Variants in PTH2R observed in about 807,000 individuals in gnomAD.
The protein encoded by PTH2R is parathyroid hormone 2 receptor.
Under a neutral mutation model 60.3 loss-of-function variants are expected in PTH2R, and 59 were observed. The ratio of observed to expected loss-of-function variants is 0.98; its 90% confidence interval spans 0.79 to 1.22. The LOEUF (loss-of-function observed/expected upper bound fraction) is 1.22. Ranked by LOEUF, PTH2R falls within the 50% of genes most tolerant of loss-of-function variation. The pLI, the probability that PTH2R is intolerant of heterozygous loss-of-function variation, is 0.00. For synonymous variants in PTH2R, 256 were observed against 243.8 expected, an observed-to-expected ratio of 1.05 and a Z score of -0.47; for missense variants, 749 against 682.6, an observed-to-expected ratio of 1.10 and a Z score of -1.08.
At chr2:208,464,348 G>A (rs535093873) in intron 9 of PTH2R, among the ~76,000 whole-genome samples, 156 of 152,220 alleles carry the variant, frequency 1.0e-3, no homozygotes, top group Non-Finnish European at 7.1e-4. Context: ...GATCTTCCCC[G>A]TGACTTGCTG....
chr2:208,437,903 T>A, intron 4 of PTH2R, 22 bp downstream of exon 4: 1 of 1,603,092 alleles, frequency 6.2e-7, no homozygotes. Context: ...TCTCTATTTG[T>A]GAATTCCTAA....
Position 208,493,289 on chromosome 2 carries a change from G to C in PTH2R, c.1283G>C (p.Trp428Ser), listed in dbSNP as rs1703448865. 6.6e-7 allele frequency: 1 copy of C among 1,517,070 alleles called. No individual in the cohort carries two copies. The highest frequency in any genetic ancestry group is 1.4e-5 in the African/African-American group (1 of 72,040). 94.0% of individuals were successfully genotyped at this position (1,517,070 alleles called of 1,614,324 possible). A position where few individuals can be genotyped will look rare whatever the true frequency, so the allele number is the denominator to read the frequency against. Residue 428 changes from tryptophan to serine, a missense_variant, in exon 13 of 13, where the codon TGG becomes TCG. Trp to Ser is a radical substitution (Grantham distance 177, BLOSUM62 -3). Transcript: ENST00000272847. ...GEVQAEVKKM[W>S]SRWNLSVDWK... ...GTTCAGGCAGAGGTGAAGAAGATGT[G>C]GAGTCGGTGGAACCTCTCCGTGGAC... is the stretch of plus-strand genomic sequence containing the variant.
intron 1 of PTH2R, among the ~76,000 whole-genome samples, chr2:208,388,798 T>G (rs1368565511): frequency 6.6e-6 from 1 of 152,198 alleles, no homozygotes; most frequent in Non-Finnish European, 1.5e-5. Flanking sequence ...GCCCATATCC[T>G]TGAACTTCTG....
At chr2:208,447,624 A>G (rs1559223152) in intron 7 of PTH2R, among the ~76,000 whole-genome samples, 2 of 149,794 alleles carry the variant, frequency 1.3e-5, no homozygotes. Context: ...TAAATAAATA[A>G]ATAAATAAAT....
intron 9 of PTH2R, among the ~76,000 whole-genome samples, chr2:208,463,672 C>A (rs1456570308): frequency 1.3e-5 from 2 of 152,158 alleles, no homozygotes; most frequent in Non-Finnish European, 2.9e-5. Context: ...ATAACTTGCC[C>A]ACACTCCAGG....
chr2:208,441,317 C>T (rs929418112), intron 4 of PTH2R, among the ~76,000 whole-genome samples: 1 of 152,090 alleles, frequency 6.6e-6, no homozygotes, highest in Non-Finnish European at 1.5e-5. Flanking sequence ...GCTTCTGTTC[C>T]GGTGGAGTTG....
At chr2:208,442,135 G>A (rs1052789428) in intron 4 of PTH2R, among the ~76,000 whole-genome samples, 4 of 152,128 alleles carry the variant, frequency 2.6e-5, no homozygotes, top group African/African-American at 9.7e-5. Flanking sequence ...TGATTTCCTG[G>A]GGGTGGATAG....
intron 7 of PTH2R, among the ~76,000 whole-genome samples, chr2:208,447,219 G>A (rs1290814679): frequency 6.6e-6 from 1 of 152,058 alleles, no homozygotes; most frequent in East Asian, 1.9e-4. Flanking sequence ...CAATCCTCCT[G>A]CCTCGGCCTC....
chr2:208,450,725 C>T, intron 7 of PTH2R, 24 bp from the exon 8 acceptor site: 1 of 1,611,258 alleles, frequency 6.2e-7, no homozygotes. Flanking sequence ...TAAATCTAGT[C>T]TCTGAATCAT....
At chr2:208,388,135 C>CCA (rs1553540993) in intron 1 of PTH2R, among the ~76,000 whole-genome samples, 1 of 148,368 alleles carries the variant, frequency 6.7e-6, no homozygotes, top group Non-Finnish European at 1.5e-5. Flanking sequence ...TGGTGAAACC[C>CCA]CCCCCCCCGT....
chr2:208,432,719 C>A (rs986281751), intron 2 of PTH2R, among the ~76,000 whole-genome samples: 12 of 152,176 alleles, frequency 7.9e-5, no homozygotes, highest in Non-Finnish European at 1.5e-4. Flanking sequence ...GAGCCCCCAG[C>A]AAACCACTGG....
intron 5 of PTH2R, among the ~76,000 whole-genome samples, chr2:208,443,019 C>T (rs375960576): frequency 6.6e-6 from 1 of 152,124 alleles, no homozygotes; most frequent in Non-Finnish European, 1.5e-5. Flanking sequence ...TGTGTTCATA[C>T]TGAACATTTA....
intron 8 of PTH2R, among the ~76,000 whole-genome samples, chr2:208,451,010 C>T (rs1010734898): frequency 1.3e-5 from 2 of 151,978 alleles, no homozygotes; most frequent in Non-Finnish European, 2.9e-5. Flanking sequence ...CAGAAACACT[C>T]GCAGACTAGA....
At chr2:208,362,334 C>A (rs1337316166) in intron 1 of PTH2R, among the ~76,000 whole-genome samples, 1 of 152,018 alleles carries the variant, frequency 6.6e-6, no homozygotes, top group African/African-American at 2.4e-5. Context: ...CATAATAAAT[C>A]TCCTCTTATG....
At chr2:208,488,987 G>T (rs1366349742) in intron 10 of PTH2R, 25 bp from the exon 11 acceptor site, 2 of 1,612,296 alleles carry the variant, frequency 1.2e-6, no homozygotes, top group Admixed American at 3.3e-5. Flanking sequence ...GTTAATGAAT[G>T]AAAAGACTTG....
chr2:208,441,517 T>C (rs1200724195), intron 4 of PTH2R, among the ~76,000 whole-genome samples: 1 of 152,234 alleles, frequency 6.6e-6, no homozygotes, highest in Non-Finnish European at 1.5e-5. Flanking sequence ...TAGTATTAGA[T>C]TACATCCTTT....
chr2:208,381,170 T>C (rs1355925517), intron 1 of PTH2R, among the ~76,000 whole-genome samples: 1 of 152,042 alleles, frequency 6.6e-6, no homozygotes, highest in Non-Finnish European at 1.5e-5. Context: ...CCCAGTCTCT[T>C]CATCTCTAAA....
At chr2:208,469,915 C>G (rs1162140780) in intron 9 of PTH2R, 1 of 152,228 alleles carries the variant, frequency 6.6e-6, no homozygotes, top group Non-Finnish European at 1.5e-5. Context: ...GCAGGAGATG[C>G]TGCAGGCAGG....
intron 1 of PTH2R, among the ~76,000 whole-genome samples, chr2:208,407,344 G>A (rs955551368): frequency 6.6e-6 from 1 of 152,210 alleles, no homozygotes; most frequent in African/African-American, 2.4e-5. Flanking sequence ...GCACTGTTTA[G>A]ACCAGCATCC....
Sources: allele counts gnomAD v4.1 joint callset (sites outside exome capture counted in the v4.1 genomes callset), GRCh38; gene constraint gnomAD v4.1.1; transcripts MANE v1.5; gene names NCBI Gene and HGNC (gene_info 2026-07-23, HGNC 2026-07-21).